Variants in ITSN2 observed in about 807,000 individuals in gnomAD.
The protein encoded by ITSN2 is intersectin 2.
ITSN2 carries 156 observed loss-of-function variants against 243.7 expected under a neutral mutation model. That is an observed-to-expected ratio of 0.64 (90% CI 0.56 to 0.73). The LOEUF (loss-of-function observed/expected upper bound fraction) is 0.73, where lower values mean the gene tolerates loss of function less well. Ranked by LOEUF, ITSN2 falls within the 30% of genes least tolerant of loss-of-function variation. The probability of loss-of-function intolerance (pLI) is 0.00; values close to 1 mark genes in which losing one functional copy is unlikely to be tolerated. For missense variants in ITSN2, 1,801 were observed against 1,996.1 expected (o/e 0.90, Z 1.86); for synonymous variants, 703 against 699.9 (o/e 1.00, Z -0.07).
At chr2:24,306,024 G>C (rs1384685477) in intron 8 of ITSN2, among the ~76,000 whole-genome samples, 2 of 152,164 alleles carry the variant, frequency 1.3e-5, no homozygotes, top group East Asian at 3.9e-4. Context: ...CTGTCACCCA[G>C]GCTGGAGTGC....
chr2:24,262,709 T>C (rs780515369), intron 20 of ITSN2, among the ~76,000 whole-genome samples: 4 of 152,208 alleles, frequency 2.6e-5, no homozygotes, highest in Non-Finnish European at 5.9e-5. Context: ...ATGATCTCAG[T>C]GCTGACTTCT....
chr2:24,306,137 G>T (rs1000715609), intron 8 of ITSN2, among the ~76,000 whole-genome samples: 1 of 151,944 alleles, frequency 6.6e-6, no homozygotes, highest in African/African-American at 2.4e-5. Flanking sequence ...CCACCACCAC[G>T]CCTGGTTAAT....
At chr2:24,220,339 C>A (rs1317972740) in intron 30 of ITSN2, 1 of 985,306 alleles carries the variant, frequency 1.0e-6, no homozygotes, top group African/African-American at 1.7e-5. Context: ...GGAAAGTCTT[C>A]TTTTGTTCAC....
intron 23 of ITSN2, among the ~76,000 whole-genome samples, chr2:24,256,095 A>G (rs1675006955): frequency 6.6e-6 from 1 of 152,110 alleles, no homozygotes; most frequent in Non-Finnish European, 1.5e-5. Flanking sequence ...ATGGTGGTGG[A>G]TGCCTGTAAT....
intron 24 of ITSN2, among the ~76,000 whole-genome samples, chr2:24,253,461 C>G (rs961887780): frequency 6.6e-6 from 1 of 152,216 alleles, no homozygotes; most frequent in African/African-American, 2.4e-5. Context: ...GGTGACATGA[C>G]GTTCCCCCGT....
intron 10 of ITSN2, 108 bp downstream of exon 10, chr2:24,301,857 T>C (rs948413510): frequency 9.2e-7 from 1 of 1,089,444 alleles, no homozygotes; most frequent in Non-Finnish European, 1.3e-6. Flanking sequence ...TTTTCAAGTA[T>C]AACTTGTTGA....
At chr2:24,325,383 C>T (rs1461987242) in intron 2 of ITSN2, among the ~76,000 whole-genome samples, 1 of 152,100 alleles carries the variant, frequency 6.6e-6, no homozygotes, top group Non-Finnish European at 1.5e-5. Context: ...ACACTCCAAC[C>T]TGGGCAACAG....
chr2:24,360,151 C>G (rs1334259380), intron 1 of ITSN2, among the ~76,000 whole-genome samples, 153 bp downstream of exon 1: 1 of 152,042 alleles, frequency 6.6e-6, no homozygotes, highest in Non-Finnish European at 1.5e-5. Flanking sequence ...CGCCAGGGGC[C>G]TAGCTCGGGG....
chr2:24,298,511 G>A (rs1410860001), intron 13 of ITSN2, among the ~76,000 whole-genome samples, 154 bp downstream of exon 13: 1 of 151,904 alleles, frequency 6.6e-6, no homozygotes, highest in African/African-American at 2.4e-5. Context: ...TGGCCAGGCT[G>A]GTTTCAAACT....
intron 1 of ITSN2, among the ~76,000 whole-genome samples, chr2:24,344,709 T>G (rs1687356575): frequency 6.6e-6 from 1 of 152,208 alleles, no homozygotes; most frequent in Non-Finnish European, 1.5e-5. Context: ...CCCAGCACTT[T>G]GGGAAGCTGA....
intron 37 of ITSN2, among the ~76,000 whole-genome samples, chr2:24,205,907 C>T (rs1668812937): frequency 2.0e-5 from 3 of 152,146 alleles, no homozygotes; most frequent in African/African-American, 7.2e-5. Flanking sequence ...AACACTGAGG[C>T]TTAGAAAGGA....
In ITSN2 at chr2:24,286,256, C is replaced by A. The variant is rs753671030; in HGVS notation, c.1819G>T (p.Ala607Ser). The A allele has an allele frequency of 1.9e-6, 3 of 1,603,782 alleles. No individual in the cohort carries two copies. Among genetic ancestry groups the A allele is most frequent in the African/African-American group, 1.3e-5 (1 of 74,716 alleles). The part of the protein sequence containing the change: ...EQLDALEKET[A>S]SKLSEMDSFN... ...GAATCCATTTCTGACAGCTTAGATG[C>A]AGTTTCTTTTTCAAGAGCATCTAAC... The change falls in exon 16 of 40, where the codon GCA becomes TCA. Residue 607 changes from alanine to serine, a missense_variant. By Grantham distance (99) the Ala-to-Ser change is moderately conservative. Coordinates refer to ENST00000355123, the MANE Select transcript of ITSN2 (RefSeq NM_006277.3).
intron 1 of ITSN2, among the ~76,000 whole-genome samples, chr2:24,346,445 C>G (rs1687540184): frequency 6.6e-6 from 1 of 152,092 alleles, no homozygotes; most frequent in African/African-American, 2.4e-5. Context: ...CAAGGAAAGT[C>G]TAAGGAACTG....
At chr2:24,226,786 C>G (rs760195678) in intron 29 of ITSN2, among the ~76,000 whole-genome samples, 2 of 152,104 alleles carry the variant, frequency 1.3e-5, no homozygotes, top group Non-Finnish European at 2.9e-5. Context: ...ATCAATATTA[C>G]TGTAGAAAAA....
intron 29 of ITSN2, among the ~76,000 whole-genome samples, chr2:24,227,422 T>C (rs959817246): frequency 2.0e-5 from 3 of 151,930 alleles, no homozygotes; most frequent in Non-Finnish European, 4.4e-5. Context: ...ATGTTTAACA[T>C]TACTCAAGAC....
chr2:24,350,255 T>C (rs762709221), intron 1 of ITSN2, among the ~76,000 whole-genome samples: 23 of 152,204 alleles, frequency 1.5e-4, no homozygotes, highest in Non-Finnish European at 1.5e-4. Flanking sequence ...TGGACCATAC[T>C]GAGGAAGCAT....
At chr2:24,286,789 G>A (rs1679559709) in intron 15 of ITSN2, among the ~76,000 whole-genome samples, 1 of 152,126 alleles carries the variant, frequency 6.6e-6, no homozygotes, top group African/African-American at 2.4e-5. Context: ...CCCAAGAACA[G>A]GGAAATATTC....
intron 20 of ITSN2, among the ~76,000 whole-genome samples, chr2:24,265,995 T>A (rs1401714317): frequency 3.3e-5 from 5 of 152,160 alleles, no homozygotes; most frequent in African/African-American, 1.2e-4. Flanking sequence ...TGGGGGGAAA[T>A]ACCTGTGCTG....
intron 1 of ITSN2, among the ~76,000 whole-genome samples, chr2:24,344,017 T>C (rs546706828): frequency 6.6e-6 from 1 of 152,360 alleles, no homozygotes; most frequent in East Asian, 1.9e-4. Context: ...AGATTTATTT[T>C]ATGCATATAT....
Sources: allele counts gnomAD v4.1 joint callset (sites outside exome capture counted in the v4.1 genomes callset), GRCh38; gene constraint gnomAD v4.1.1; transcripts MANE v1.5; gene names NCBI Gene and HGNC (gene_info 2026-07-23, HGNC 2026-07-21).